The following TEKT3 variants were observed in gnomAD, a reference collection of about 807,000 sequenced individuals.
TEKT3 encodes tektin-3.
Under a neutral mutation model 49.8 loss-of-function variants are expected in TEKT3, and 49 were observed. The observed-to-expected ratio is 0.98, with a 90% confidence interval of 0.78 to 1.25. TEKT3 has a LOEUF of 1.25. Ranked by LOEUF, TEKT3 falls within the 50% of genes most tolerant of loss-of-function variation. The probability of loss-of-function intolerance (pLI) is 0.00; values close to 1 mark genes in which losing one functional copy is unlikely to be tolerated. For missense variants in TEKT3, 595 were observed against 629.5 expected, an observed-to-expected ratio of 0.95 and a Z score of 0.59; for synonymous variants, 225 against 237.2, an observed-to-expected ratio of 0.95 and a Z score of 0.47.
rs1910808522 is a variant in TEKT3, at chr17:15,312,374, A to G, written c.986T>C (p.Leu329Ser). The G allele has an allele frequency of 6.2e-7, 1 of 1,614,130 alleles. No homozygotes were observed. Reference sequence around the variant, plus strand: ...CCACATCTCATTGGCAGTCACAACCAAGAGGTTTTCAATGTCGTCTCTTAG... The same window carrying G: ...CCACATCTCATTGGCAGTCACAACCGAGAGGTTTTCAATGTCGTCTCTTAG... ...AKLRDDIENL[L>S]VVTANEMWNQ... is the part of the protein sequence containing the mutation. Residue 329 changes from leucine (L) to serine (S), a missense_variant, in exon 7 of 9, where the codon TTG becomes TCG. Leu to Ser is a moderately radical substitution (Grantham distance 145). Transcript: ENST00000395930.
Position 15,304,232 on chromosome 17 carries a change from T to C in TEKT3, c.1257-80A>G, listed in dbSNP as rs1469926584. On this transcript the variant is annotated intron_variant, in intron 8 of 8. Coordinates refer to ENST00000395930, the MANE Select transcript of TEKT3 (RefSeq NM_031898.3). The surrounding 1 kb of genome is among the most constrained non-coding windows in gnomAD (Gnocchi z 4.7). ...AAGTACATCACATTGTAACCAGCGATGCAAAGCTCACATTTTCTTTACTTT... is the reference window on the plus strand; with the variant it reads ...AAGTACATCACATTGTAACCAGCGACGCAAAGCTCACATTTTCTTTACTTT... 17 of 1,404,684 alleles carry C rather than the reference T, an allele frequency of 1.2e-5. No homozygotes were observed. Among genetic ancestry groups the C allele is most frequent in the Non-Finnish European group, 1.6e-5 (16 of 1,004,068 alleles). 87.0% of individuals were successfully genotyped at this position (1,404,684 alleles called of 1,614,324 possible). A position where few individuals can be genotyped will look rare whatever the true frequency, so the allele number is the denominator to read the frequency against.
intron 8 of TEKT3, chr17:15,307,100 A>G (rs1910584722): frequency 1.3e-5 from 2 of 152,250 alleles, no homozygotes; most frequent in South Asian, 4.1e-4. Context: ...AGCACGCTTC[A>G]TGGCACTCAA....
At chr17:15,318,063 C>T (rs1279587114) in intron 5 of TEKT3, among the ~76,000 whole-genome samples, 4 of 148,658 alleles carry the variant, frequency 2.7e-5, no homozygotes, top group African/African-American at 7.5e-5. Context: ...AATCTCAGCT[C>T]ACTGCAAGCT....
At chr17:15,305,812 T>C (rs961682075) in intron 8 of TEKT3, among the ~76,000 whole-genome samples, 1 of 151,440 alleles carries the variant, frequency 6.6e-6, no homozygotes, top group Admixed American at 6.6e-5. Context: ...AATCGAGATA[T>C]AGAACGTAGG....
intron 8 of TEKT3, among the ~76,000 whole-genome samples, chr17:15,306,081 T>TATA (rs1910533775): frequency 9.8e-5 from 13 of 132,880 alleles, no homozygotes; most frequent in Non-Finnish European, 1.7e-4. Context: ...CACAGTTTAT[T>TATA]TATATATATG....
At chr17:15,336,184 T>C (rs756766904) in intron 2 of TEKT3, among the ~76,000 whole-genome samples, 7 of 151,372 alleles carry the variant, frequency 4.6e-5, no homozygotes, top group Non-Finnish European at 1.0e-4. Flanking sequence ...ATAATCAAAA[T>C]GCTGAAAACC....
intron 8 of TEKT3, 31 bp downstream of exon 8, chr17:15,308,633 G>A: frequency 6.3e-7 from 1 of 1,590,768 alleles, no homozygotes; most frequent in Non-Finnish European, 8.6e-7. Flanking sequence ...GGCCCTCCGA[G>A]CGAGCCCCGA....
intron 4 of TEKT3, among the ~76,000 whole-genome samples, chr17:15,323,103 G>A (rs546823973): frequency 5.3e-5 from 8 of 152,256 alleles, no homozygotes; most frequent in South Asian, 2.1e-4. Flanking sequence ...TCCTCTTTCC[G>A]TGCTGGTTGC....
At chr17:15,321,013 A>ATT (rs10695008) in intron 4 of TEKT3, among the ~76,000 whole-genome samples, 35,731 of 145,334 alleles carry the variant, frequency 0.25, 4,681 homozygotes, top group Admixed American at 0.34. Context: ...TACAACAATA[A>ATT]TTTTTTTTTT....
In TEKT3 at chr17:15,328,073, T is replaced by C. The variant is rs375286556; in HGVS notation, c.582A>G (p.Val194=). ...CTCGATGAAATAGACATTCTCGGGC[T>C]ACCTACAGATACACAGATAATGGAA... ...ALMETEAPLQ[V]ARECLFHREK... is the part of the protein sequence containing the mutation. The change falls in exon 4 of 9, where the codon GTA becomes GTG. Residue 194 remains valine (V), a splice_region_variant and synonymous_variant. Coordinates refer to ENST00000395930, the MANE Select transcript of TEKT3 (RefSeq NM_031898.3). The C allele has an allele frequency of 6.7e-5, 108 of 1,613,002 alleles. No homozygotes were observed. The East Asian group carries it at 1.9e-3, about 28-fold the overall frequency.
chr17:15,327,798 G>C (rs573699452), intron 4 of TEKT3, 194 bp downstream of exon 4: 5 of 444,688 alleles, frequency 1.1e-5, no homozygotes, highest in Non-Finnish European at 2.0e-5. Context: ...TTATTTACTC[G>C]TTTGCATTTT....
At chr17:15,343,568 A>G (rs1318588601), upstream of TEKT3, among the ~76,000 whole-genome samples, 2 of 152,226 alleles carry the variant, frequency 1.3e-5, no homozygotes, top group African/African-American at 2.4e-5. Flanking sequence ...TCATCTCTGT[A>G]TCCCCAGCAT....
intron 4 of TEKT3, among the ~76,000 whole-genome samples, chr17:15,321,700 A>G (rs903416428): frequency 6.6e-6 from 1 of 152,222 alleles, no homozygotes; most frequent in Non-Finnish European, 1.5e-5. Context: ...GGGAGAAATT[A>G]CAGGCCCCAT....
chr17:15,334,774 T>G (rs924924449), intron 2 of TEKT3, among the ~76,000 whole-genome samples: 8 of 152,200 alleles, frequency 5.3e-5, no homozygotes, highest in Non-Finnish European at 1.2e-4. Context: ...CCAGCCATCT[T>G]GTAAGCCATT....
intron 8 of TEKT3, among the ~76,000 whole-genome samples, chr17:15,307,872 T>C (rs1184242972): frequency 2.0e-5 from 3 of 152,096 alleles, no homozygotes; most frequent in Admixed American, 2.0e-4. Flanking sequence ...TATTGGGAAA[T>C]TGGAAATGAA....
At chr17:15,319,008 T>C (rs1277696990) in intron 5 of TEKT3, 69 bp downstream of exon 5, 1 of 1,308,184 alleles carries the variant, frequency 7.6e-7, no homozygotes, top group Non-Finnish European at 1.1e-6. Context: ...TAAGAGAAAT[T>C]TCAATGAGGA....
intron 2 of TEKT3, among the ~76,000 whole-genome samples, chr17:15,334,123 A>G (rs1486807607): frequency 6.6e-6 from 1 of 152,036 alleles, no homozygotes. Flanking sequence ...ATGCAGTGGC[A>G]TGATCACTGC....
Position 15,331,337 on chromosome 17 carries a change from A to G in TEKT3, c.249T>C (p.Phe83=). ...TGAAGAAAGTGGTTCTGTTGGAAAC[A>G]AAGGGAAGCATGGTATTCTCGGACA... The part of the protein sequence containing the change: ...QRVSENTMLP[F]VSNRTTFFTR... Residue 83 remains phenylalanine, a synonymous_variant, in exon 3 of 9, where the codon TTT becomes TTC. Transcript: ENST00000395930. The G allele has an allele frequency of 2.5e-6, 4 of 1,614,214 alleles. No individual in the cohort carries two copies. The highest frequency in any genetic ancestry group is 3.4e-6 in the Non-Finnish European group (4 of 1,180,042).
At chr17:15,337,946 A>G (rs1255892827) in intron 2 of TEKT3, among the ~76,000 whole-genome samples, 1 of 152,214 alleles carries the variant, frequency 6.6e-6, no homozygotes, top group African/African-American at 2.4e-5. Context: ...AATCAAGTAG[A>G]CTTCTAAACA....
Sources: gnomAD v4.1 joint callset for allele counts (sites outside exome capture counted in the v4.1 genomes callset) on GRCh38, gnomAD v4.1.1 for gene constraint, Gnocchi (gnomAD v3.1) non-coding constraint, MANE v1.5 for transcripts, NCBI Gene and HGNC (gene_info 2026-07-23, HGNC 2026-07-21) for gene names.